The following SGCZ variants were observed in gnomAD, a reference collection of about 807,000 sequenced individuals.
SGCZ encodes sarcoglycan zeta.
In SGCZ, 40 loss-of-function variants were observed where a neutral mutation model predicts 41.3. The ratio of observed to expected loss-of-function variants is 0.97; its 90% CI spans 0.75 to 1.26. SGCZ has a LOEUF of 1.26. Ranked by LOEUF, SGCZ falls within the 50% of genes most tolerant of loss-of-function variation. SGCZ has a pLI of 0.00. For synonymous variants in SGCZ, 206 were observed against 137.5 expected (o/e 1.50, Z -3.49); for missense variants, 552 against 369.8 (o/e 1.49, Z -4.04).
intron 3 of SGCZ, among the ~76,000 whole-genome samples, chr8:14,293,697 A>G (rs886099922): frequency 2.0e-5 from 3 of 151,912 alleles, no homozygotes; most frequent in African/African-American, 7.2e-5. Context: ...GTCCCATGAA[A>G]TTATGTTAAA....
At chr8:15,091,708 T>G (rs1041730568) in intron 1 of SGCZ, among the ~76,000 whole-genome samples, 1 of 152,176 alleles carries the variant, frequency 6.6e-6, no homozygotes, top group African/African-American at 2.4e-5. Context: ...CCCATTGTTA[T>G]AGACATTATA....
chr8:14,599,384 C>A (rs1468322198), intron 1 of SGCZ, among the ~76,000 whole-genome samples: 2 of 152,158 alleles, frequency 1.3e-5, no homozygotes, highest in Non-Finnish European at 2.9e-5. Context: ...AAATCAAATT[C>A]TCTCACCTAC....
chr8:15,078,111 T>A (rs1353203607), intron 1 of SGCZ, among the ~76,000 whole-genome samples: 1 of 150,312 alleles, frequency 6.7e-6, no homozygotes, highest in African/African-American at 2.5e-5. Context: ...GGCCTGATTT[T>A]CAGTGTGAGG....
chr8:14,379,726 A>G (rs960158599), intron 2 of SGCZ, among the ~76,000 whole-genome samples: 2 of 151,962 alleles, frequency 1.3e-5, no homozygotes, highest in South Asian at 4.2e-4. Context: ...TATTGAAATT[A>G]TATATATATA....
intron 1 of SGCZ, among the ~76,000 whole-genome samples, chr8:14,634,313 T>G (rs1028300349): frequency 6.6e-6 from 1 of 151,834 alleles, no homozygotes; most frequent in Admixed American, 6.6e-5. Context: ...AATGCAAAAT[T>G]TTTATCCATT....
chr8:14,538,293 C>T (rs1237713581), intron 2 of SGCZ, among the ~76,000 whole-genome samples: 2 of 151,890 alleles, frequency 1.3e-5, no homozygotes, highest in East Asian at 1.9e-4. Flanking sequence ...AACTTTATGT[C>T]AGGCTGTATT....
At chr8:14,749,273 G>C (rs1476606610) in intron 1 of SGCZ, among the ~76,000 whole-genome samples, 2 of 152,134 alleles carry the variant, frequency 1.3e-5, no homozygotes, top group Non-Finnish European at 2.9e-5. Context: ...ACTATATCAA[G>C]TTAGAATGGC....
In SGCZ at chr8:15,099,577, T is replaced by C. The variant is rs535738959; in HGVS notation, c.39+138008A>G. Among the ~76,000 whole-genome samples the C allele has an allele frequency of 2.1e-4, 32 of 152,262 alleles. 1 individual carries two copies. In the South Asian group the frequency reaches 3.5e-3, roughly 17 times the overall value. On this transcript the variant is annotated intron_variant, in intron 1 of 7. Transcript: ENST00000382080. ...TCACTACCGGCTCTGCAAAAAATAA[T>C]TGAAGAGGAGGAAACACTTCTCATA...
intron 5 of SGCZ, among the ~76,000 whole-genome samples, chr8:14,122,630 T>A (rs984146576): frequency 1.3e-5 from 2 of 152,220 alleles, no homozygotes; most frequent in Non-Finnish European, 2.9e-5. Flanking sequence ...GAATATTAAA[T>A]ATCCATAAGA....
At chr8:15,056,377 G>A (rs2131002329) in intron 1 of SGCZ, among the ~76,000 whole-genome samples, 1 of 152,136 alleles carries the variant, frequency 6.6e-6, no homozygotes, top group East Asian at 1.9e-4. Flanking sequence ...TTTCTCTTCT[G>A]CTTCTCATTA....
At chr8:14,654,693 T>A (rs957486121) in intron 1 of SGCZ, among the ~76,000 whole-genome samples, 11 of 151,124 alleles carry the variant, frequency 7.3e-5, no homozygotes, top group African/African-American at 2.7e-4. Context: ...TGCCTCAGCC[T>A]CCCAAGTAGC....
intron 1 of SGCZ, among the ~76,000 whole-genome samples, chr8:14,592,887 CATA>C (rs1474198528): frequency 6.6e-6 from 1 of 152,138 alleles, no homozygotes; most frequent in East Asian, 1.9e-4. Flanking sequence ...AAAAGCATCA[CATA>C]ATGTTTCTTA....
At chr8:14,325,649 A>ATAT (rs1802068883) in intron 2 of SGCZ, among the ~76,000 whole-genome samples, 1 of 143,172 alleles carries the variant, frequency 7.0e-6, no homozygotes, top group Non-Finnish European at 1.5e-5. Flanking sequence ...ACATATAATC[A>ATAT]ATGATATATA....
intron 5 of SGCZ, among the ~76,000 whole-genome samples, chr8:14,115,802 T>A (rs939061398): frequency 1.3e-5 from 2 of 150,424 alleles, no homozygotes; most frequent in Non-Finnish European, 1.5e-5. Context: ...CTTTGGGGGG[T>A]GGGGGTGGAA....
chr8:14,928,972 A>ATTAT (rs201081230), intron 1 of SGCZ, among the ~76,000 whole-genome samples: 2 of 151,986 alleles, frequency 1.3e-5, no homozygotes, highest in Non-Finnish European at 2.9e-5. Flanking sequence ...GCATTTTTAA[A>ATTAT]TTATTTATTT....
chr8:14,519,592 G>C (rs1399333831), intron 2 of SGCZ, among the ~76,000 whole-genome samples: 4 of 152,020 alleles, frequency 2.6e-5, no homozygotes, highest in African/African-American at 9.7e-5. Context: ...TTAGTGATGG[G>C]TAGTGTGCTA....
chr8:15,161,252 A>G (rs139647672), intron 1 of SGCZ, among the ~76,000 whole-genome samples: 53 of 152,090 alleles, frequency 3.5e-4, no homozygotes, highest in African/African-American at 1.2e-3. Context: ...TACATCATCC[A>G]TGACTCCCTT....
intron 2 of SGCZ, among the ~76,000 whole-genome samples, chr8:14,352,643 G>A (rs1172808988): frequency 6.6e-6 from 1 of 152,078 alleles, no homozygotes; most frequent in South Asian, 2.1e-4. Flanking sequence ...AGCCCGTAGA[G>A]CTTGTTCCCA....
intron 1 of SGCZ, among the ~76,000 whole-genome samples, chr8:15,155,674 T>C (rs1799308837): frequency 6.6e-6 from 1 of 152,194 alleles, no homozygotes; most frequent in South Asian, 2.1e-4. Context: ...ATTAAATATA[T>C]TTATGATACA....
Sources: allele counts gnomAD v4.1 joint callset (sites outside exome capture counted in the v4.1 genomes callset), GRCh38; gene constraint gnomAD v4.1.1; transcripts MANE v1.5; gene names NCBI Gene and HGNC (gene_info 2026-07-23, HGNC 2026-07-21).